BAIAP2L2: variants seen among roughly 807,000 people sequenced by gnomAD.
BAIAP2L2 encodes the protein BAR/IMD domain-containing adapter protein 2-like 2.
BAIAP2L2 carries 65 observed loss-of-function variants against 60.4 expected under a neutral mutation model. That is an observed-to-expected ratio of 1.08 (90% confidence interval 0.88 to 1.32). BAIAP2L2 has a LOEUF of 1.32. Ranked by LOEUF, BAIAP2L2 falls within the 40% of genes most tolerant of loss-of-function variation. The pLI, the probability that BAIAP2L2 is intolerant of heterozygous loss-of-function variation, is 0.00. For synonymous variants in BAIAP2L2, 344 were observed against 301.7 expected, an observed-to-expected ratio of 1.14 and a Z score of -1.45; for missense variants, 836 against 741.2, an observed-to-expected ratio of 1.13 and a Z score of -1.48.
chr22:38,085,104 T>C lies in BAIAP2L2; in HGVS notation c.*196A>G. 2 of 564,242 alleles carry C rather than the reference T, an allele frequency of 3.5e-6. No homozygotes were observed. The highest frequency in any genetic ancestry group is 3.2e-6 in the Non-Finnish European group (1 of 317,186). The allele number at this position is 564,242 out of a possible 1,614,324, so 35.0% of individuals were successfully genotyped here. A position where few individuals can be genotyped will look rare whatever the true frequency, so the allele number is the denominator to read the frequency against. On this transcript the variant is annotated 3_prime_UTR_variant, in exon 14 of 14. Transcript: ENST00000381669. ...TGTCCTGTCCCCCCATTCCGCCTGC[T>C]TTACTTTGAAGGTCTCGGACCCCAA...
At chr22:38,095,803 C>T (rs1429601622) in intron 7 of BAIAP2L2, among the ~76,000 whole-genome samples, 1 of 151,856 alleles carries the variant, frequency 6.6e-6, no homozygotes, top group Non-Finnish European at 1.5e-5. Context: ...ATGAAAGTCA[C>T]AAAGTGAGGT....
Position 38,089,652 on chromosome 22 carries a change from C to T in BAIAP2L2, c.635G>A (p.Arg212His), listed in dbSNP as rs780708888. 5 of 1,231,200 alleles carry T rather than the reference C, an allele frequency of 4.1e-6. No individual in the cohort carries two copies. In the African/African-American group the frequency reaches 4.7e-5, roughly 11 times the overall value. The allele number at this position is 1,231,200 out of a possible 1,614,324, so 76.3% of individuals were successfully genotyped here. ...AGACTGCTCCTTCCACAGCAGCACGCGGTTCTGGAGCATCCCCCGGGCCTG... is the reference window on the plus strand; with the variant it reads ...AGACTGCTCCTTCCACAGCAGCACGTGGTTCTGGAGCATCCCCCGGGCCTG... ...FGRARGMLQNRVLLWKEQSEA... is the reference protein window; with the variant it reads ...FGRARGMLQNHVLLWKEQSEA... Residue 212 changes from arginine to histidine, a missense_variant, in exon 8 of 14, where the codon CGC (arginine) becomes CAC (histidine). Coordinates refer to ENST00000381669, the MANE Select transcript of BAIAP2L2 (RefSeq NM_025045.6).
intron 4 of BAIAP2L2, among the ~76,000 whole-genome samples, chr22:38,103,218 A>AAAATAAAT (rs751073031): frequency 6.6e-6 from 1 of 152,116 alleles, no homozygotes; most frequent in African/African-American, 2.4e-5. Context: ...TCTGCCTCTG[A>AAAATAAAT]AAATAAATAA....
At chr22:38,103,226 T>C (rs2086600543) in intron 4 of BAIAP2L2, among the ~76,000 whole-genome samples, 1 of 151,778 alleles carries the variant, frequency 6.6e-6, no homozygotes, top group Non-Finnish European at 1.5e-5. Context: ...TGAAAATAAA[T>C]AAATAAATAA....
chr22:38,094,374 C>T (rs551393163), intron 7 of BAIAP2L2, among the ~76,000 whole-genome samples: 10 of 152,154 alleles, frequency 6.6e-5, no homozygotes, highest in African/African-American at 1.4e-4. Flanking sequence ...TTAGTAGAGA[C>T]GGGTTTTCAC....
chr22:38,085,859 C>A, intron 12 of BAIAP2L2, 127 bp from the exon 13 acceptor site: 1 of 969,708 alleles, frequency 1.0e-6, no homozygotes. Flanking sequence ...ATGCCAGGCT[C>A]CTGGAAAATG....
Position 38,087,156 on chromosome 22 carries a change from TGTCATGGGGGACATGGAGGTCATGGAG to T in BAIAP2L2, c.1200_1226del (p.Ser401_Thr409del), listed in dbSNP as rs758207965. On this transcript the variant is annotated inframe_deletion, in exon 11 of 14. Transcript: ENST00000381669. ...GCAGCTCGTTCCCGGGGTTCATGGG[TGTCATGGGGGACATGGAGGTCATGGAG>T]GTCATGGGGGTCACGGGGGTCATGG... The T allele has an allele frequency of 3.0e-5, 48 of 1,590,342 alleles. No homozygotes were observed. The highest frequency in any genetic ancestry group is 1.7e-4 in the Middle Eastern group (1 of 5,966).
At chr22:38,098,530 C>T (rs770333751) in intron 4 of BAIAP2L2, 48 bp from the exon 5 acceptor site, 1 of 1,513,222 alleles carries the variant, frequency 6.6e-7, no homozygotes, top group Non-Finnish European at 9.2e-7. Context: ...CTACTGTTCC[C>T]AGGCCCCAGC....
chr22:38,086,960 C>A (rs1409032115), intron 11 of BAIAP2L2, among the ~76,000 whole-genome samples, 164 bp downstream of exon 11: 1 of 146,986 alleles, frequency 6.8e-6, no homozygotes, highest in Non-Finnish European at 1.5e-5. Context: ...GGCGCCACTG[C>A]ACTCCAGCCT....
At chr22:38,108,443 G>A in intron 2 of BAIAP2L2, 102 bp from the exon 3 acceptor site, 1 of 880,038 alleles carries the variant, frequency 1.1e-6, no homozygotes, top group South Asian at 1.7e-5. Flanking sequence ...TGGGTGGGGT[G>A]TGGGCATCTG....
chr22:38,089,474 G>A (rs1474308137), intron 8 of BAIAP2L2, 48 bp downstream of exon 8: 13 of 1,094,592 alleles, frequency 1.2e-5, no homozygotes, highest in Non-Finnish European at 1.5e-5. Context: ...GGGCCCCCGC[G>A]GGGGGCGGCG....
At chr22:38,086,681 G>C (rs915891570) in intron 11 of BAIAP2L2, among the ~76,000 whole-genome samples, 1 of 152,080 alleles carries the variant, frequency 6.6e-6, no homozygotes, top group Non-Finnish European at 1.5e-5. Context: ...AGGGGCTGAA[G>C]GGGGCTGGGC....
chr22:38,102,995 G>T (rs906587745), intron 4 of BAIAP2L2, among the ~76,000 whole-genome samples: 1 of 150,520 alleles, frequency 6.6e-6, no homozygotes, highest in Admixed American at 6.6e-5. Context: ...GCAGTGAGCC[G>T]ATATCACACC....
At position 38,096,388 on chromosome 22, in the gene BAIAP2L2, C is replaced by G. The variant is rs1341320190; in HGVS notation, c.612+644G>C. Reference sequence around the variant, plus strand: ...ATGATAAAATGGCTGGGTATGGTAGCTCATGCCTGTAATCGCAGCACTTTG... The same window carrying G: ...ATGATAAAATGGCTGGGTATGGTAGGTCATGCCTGTAATCGCAGCACTTTG... On this transcript the variant is annotated intron_variant, in intron 7 of 13. Coordinates refer to ENST00000381669, the MANE Select transcript of BAIAP2L2 (RefSeq NM_025045.6). Among the ~76,000 whole-genome samples the G allele has an allele frequency of 2.6e-5, 4 of 152,188 alleles. No homozygotes were observed. The South Asian group carries it at 6.2e-4, about 24-fold the overall frequency.
chr22:38,096,134 A>G (rs1273484103), intron 7 of BAIAP2L2, among the ~76,000 whole-genome samples: 1 of 152,232 alleles, frequency 6.6e-6, no homozygotes, highest in African/African-American at 2.4e-5. Context: ...AAAATAGAGC[A>G]GTATTAATAT....
intron 7 of BAIAP2L2, 73 bp downstream of exon 7, chr22:38,096,959 C>A: frequency 1.3e-6 from 2 of 1,511,776 alleles, no homozygotes; most frequent in South Asian, 1.2e-5. Flanking sequence ...GGGAGGGAAA[C>A]CTCTATGTAC....
At chr22:38,101,311 T>C (rs892456461) in intron 4 of BAIAP2L2, among the ~76,000 whole-genome samples, 6 of 145,290 alleles carry the variant, frequency 4.1e-5, no homozygotes, top group African/African-American at 7.7e-5. Context: ...GGTGGGAGGA[T>C]TGCTCGAGCC....
At chr22:38,092,631 A>G (rs948883245) in intron 7 of BAIAP2L2, among the ~76,000 whole-genome samples, 1 of 152,156 alleles carries the variant, frequency 6.6e-6, no homozygotes, top group African/African-American at 2.4e-5. Context: ...ATGCTTAGCT[A>G]TCTTAGGAGT....
intron 7 of BAIAP2L2, among the ~76,000 whole-genome samples, chr22:38,094,255 G>A (rs1602009077): frequency 6.6e-6 from 1 of 151,964 alleles, no homozygotes; most frequent in African/African-American, 2.4e-5. Context: ...GTGCAATCTT[G>A]GCTCACTGCA....
Sources: gnomAD v4.1 joint callset for allele counts (sites outside exome capture counted in the v4.1 genomes callset) on GRCh38, gnomAD v4.1.1 for gene constraint, MANE v1.5 for transcripts, NCBI Gene and HGNC (gene_info 2026-07-23, HGNC 2026-07-21) for gene names.